Variants in PTPRG observed in about 807,000 individuals in gnomAD.
PTPRG encodes protein tyrosine phosphatase receptor type G.
In PTPRG, 102 loss-of-function variants were observed where a neutral mutation model predicts 165.3. The observed-to-expected ratio is 0.62, with a 90% CI of 0.53 to 0.73. The LOEUF (loss-of-function observed/expected upper bound fraction) is 0.73. PTPRG is among the 30% of genes least tolerant of loss of function. The pLI, the probability that PTPRG is intolerant of heterozygous loss-of-function variation, is 0.00. For missense variants in PTPRG, 1,866 were observed against 1,861.4 expected, an observed-to-expected ratio of 1.00 and a Z score of -0.05; for synonymous variants, 675 against 669.5, an observed-to-expected ratio of 1.01 and a Z score of -0.13.
Position 61,724,373 on chromosome 3 carries a change from C to T in PTPRG, c.86-24505C>T, listed in dbSNP as rs1392980979. ...AGTATTCTGTGGCATGGATGCACCA[C>T]AGTTGGTTTAATCTTTCACCTTTTG... On this transcript the variant is annotated intron_variant, in intron 1 of 29. Coordinates refer to ENST00000474889, the MANE Select transcript of PTPRG (RefSeq NM_002841.4). Among the ~76,000 whole-genome samples, 4 of 152,060 alleles carry T rather than the reference C, an allele frequency of 2.6e-5. No individual in the cohort carries two copies. In the East Asian group the frequency reaches 7.7e-4, roughly 29 times the overall value.
chr3:62,052,085 G>A (rs1427034343), intron 4 of PTPRG, among the ~76,000 whole-genome samples: 1 of 152,092 alleles, frequency 6.6e-6, no homozygotes, highest in African/African-American at 2.4e-5. Context: ...AAATTATTAG[G>A]ACAGTTTGGT....
chr3:61,658,321 G>T (rs967809351), intron 1 of PTPRG, among the ~76,000 whole-genome samples: 1 of 152,120 alleles, frequency 6.6e-6, no homozygotes, highest in African/African-American at 2.4e-5. Flanking sequence ...GGTGTCCTAG[G>T]ACAGTGGCTA....
chr3:62,262,723 C>A, intron 16 of PTPRG, 75 bp from the exon 17 acceptor site: 1 of 1,094,598 alleles, frequency 9.1e-7, no homozygotes, highest in Non-Finnish European at 1.3e-6. Context: ...TGAGTAAATA[C>A]TTTATGCCTT....
intron 2 of PTPRG, among the ~76,000 whole-genome samples, chr3:61,864,975 T>A (rs553203075): frequency 6.6e-6 from 1 of 152,306 alleles, no homozygotes; most frequent in South Asian, 2.1e-4. Context: ...TGGGGTCACA[T>A]TCAGTCATTC....
chr3:62,285,276 T>C (rs1702598769), intron 28 of PTPRG, among the ~76,000 whole-genome samples: 1 of 152,074 alleles, frequency 6.6e-6, no homozygotes, highest in African/African-American at 2.4e-5. Flanking sequence ...CTATAACAAA[T>C]TGTCCCCAGA....
chr3:61,997,125 G>A (rs924151123), intron 3 of PTPRG, among the ~76,000 whole-genome samples: 3 of 152,140 alleles, frequency 2.0e-5, no homozygotes, highest in Non-Finnish European at 4.4e-5. Context: ...TGAGACCCAG[G>A]ATAATCCTGC....
intron 2 of PTPRG, among the ~76,000 whole-genome samples, chr3:61,766,868 C>A (rs2034035414): frequency 6.6e-6 from 1 of 151,888 alleles, no homozygotes; most frequent in Admixed American, 6.6e-5. Flanking sequence ...GATCTGCACA[C>A]CTTGGCCTCC....
In PTPRG at chr3:61,889,578, A is replaced by C. The variant is rs369249871; in HGVS notation, c.191-100047A>C. ...CTCCGTTAGTATTTTTATGTTGCCC[A>C]TATGAAAAGCTGTTGTTATTATTTC... On this transcript the variant is annotated intron_variant, in intron 2 of 29. Coordinates refer to ENST00000474889, the MANE Select transcript of PTPRG (RefSeq NM_002841.4). Among the ~76,000 whole-genome samples, 25 of 152,336 alleles carry C rather than the reference A, an allele frequency of 1.6e-4. 2 individuals carry two copies. The highest frequency in any genetic ancestry group is 6.0e-4 in the African/African-American group (25 of 41,588).
intron 3 of PTPRG, among the ~76,000 whole-genome samples, chr3:61,993,274 A>G (rs926643910): frequency 4.0e-5 from 6 of 151,170 alleles, no homozygotes; most frequent in Admixed American, 1.3e-4. Context: ...CTGGAGTGCA[A>G]TGGTGTGATC....
chr3:61,911,246 C>T (rs1406594564), intron 2 of PTPRG, among the ~76,000 whole-genome samples: 3 of 152,162 alleles, frequency 2.0e-5, no homozygotes, highest in East Asian at 1.9e-4. Flanking sequence ...TTGTGAACTT[C>T]GTAATCATGA....
intron 2 of PTPRG, among the ~76,000 whole-genome samples, chr3:61,842,500 G>T (rs1385621420): frequency 6.6e-6 from 1 of 152,108 alleles, no homozygotes; most frequent in African/African-American, 2.4e-5. Context: ...AGAGAGGAAA[G>T]ATAATAGAAA....
chr3:62,257,294 A>G (rs1411111036), intron 16 of PTPRG, among the ~76,000 whole-genome samples: 1 of 152,236 alleles, frequency 6.6e-6, no homozygotes, highest in Non-Finnish European at 1.5e-5. Context: ...ATAAGAAGCT[A>G]TTACGGCTAT....
chr3:61,567,499 C>A (rs1448826140), intron 1 of PTPRG, among the ~76,000 whole-genome samples: 3 of 151,884 alleles, frequency 2.0e-5, no homozygotes, highest in African/African-American at 7.3e-5. Context: ...TAGGGAGACC[C>A]TGCCTCTACA....
intron 1 of PTPRG, among the ~76,000 whole-genome samples, chr3:61,634,797 A>G (rs759377563): frequency 3.9e-5 from 6 of 152,156 alleles, no homozygotes; most frequent in African/African-American, 1.2e-4. Context: ...ATGTTTCTCT[A>G]TAAGTCTGAG....
At position 61,940,653 on chromosome 3, in the gene PTPRG, A is replaced by T. The variant is rs13092452; in HGVS notation, c.191-48972A>T. ...TTCTATGGATTCAGTAGATGCTTTTATTTATTTATTTATTTATTTTTTATT... is the reference window on the plus strand; with the variant it reads ...TTCTATGGATTCAGTAGATGCTTTTTTTTATTTATTTATTTATTTTTTATT... On this transcript the variant is annotated intron_variant, in intron 2 of 29. Transcript: ENST00000474889. 3.2e-3 allele frequency among the ~76,000 whole-genome samples: 291 copies of T among 90,648 alleles called. 6 individuals are homozygous for T. Among genetic ancestry groups the T allele is most frequent in the Middle Eastern group, 0.014 (2 of 144 alleles). 59.5% of individuals were successfully genotyped at this position (90,648 alleles called of 152,430 possible). A position where few individuals can be genotyped will look rare whatever the true frequency, so the allele number is the denominator to read the frequency against.
At chr3:61,883,741 ACT>A (rs760579700) in intron 2 of PTPRG, among the ~76,000 whole-genome samples, 2 of 152,014 alleles carry the variant, frequency 1.3e-5, no homozygotes, top group Non-Finnish European at 2.9e-5. Context: ...GCCAGGTCTC[ACT>A]CTGTCACCCA....
rs145770093 is a variant in PTPRG, at chr3:62,205,526, C to T, written c.2155+1576C>T. Among the ~76,000 whole-genome samples, 941 of 152,122 alleles carry T rather than the reference C, an allele frequency of 6.2e-3. 8 individuals carry two copies. Among genetic ancestry groups the T allele is most frequent in the African/African-American group, 0.022 (894 of 41,466 alleles). On this transcript the variant is annotated intron_variant, in intron 12 of 29. Coordinates refer to ENST00000474889, the MANE Select transcript of PTPRG (RefSeq NM_002841.4). ...AGCCTTAATTGCTACAGTTGGGGAG[C>T]GGAGGGACAGTGTAGCTCTGAGTGG...
intron 1 of PTPRG, among the ~76,000 whole-genome samples, chr3:61,597,038 TG>T (rs1348333143): frequency 6.6e-6 from 1 of 152,124 alleles, no homozygotes; most frequent in Non-Finnish European, 1.5e-5. Flanking sequence ...GTCTTCTCGC[TG>T]TGTCATCCCT....
chr3:61,931,424 G>A (rs1472011680), intron 2 of PTPRG, among the ~76,000 whole-genome samples: 1 of 152,180 alleles, frequency 6.6e-6, no homozygotes, highest in Admixed American at 6.5e-5. Context: ...TTTCATGTGT[G>A]GTAGTGGTAT....
Sources: allele counts gnomAD v4.1 joint callset (sites outside exome capture counted in the v4.1 genomes callset), GRCh38; gene constraint gnomAD v4.1.1; transcripts MANE v1.5; gene names NCBI Gene and HGNC (gene_info 2026-07-23, HGNC 2026-07-21).